Variants in SLC25A43 observed in about 807,000 individuals in gnomAD.
SLC25A43 encodes solute carrier family 25, member 43.
A neutral mutation model predicts 22.8 loss-of-function variants in SLC25A43; 10 were observed. The observed-to-expected ratio is 0.44, with a 90% CI of 0.27 to 0.74. The LOEUF (loss-of-function observed/expected upper bound fraction) is 0.74. Among genes scored for constraint, SLC25A43 ranks in the 30% least tolerant of loss-of-function variants. SLC25A43 has a pLI of 0.17. For missense variants in SLC25A43, 233 were observed against 279.1 expected, an observed-to-expected ratio of 0.83 and a Z score of 1.18; for synonymous variants, 106 against 121.6, an observed-to-expected ratio of 0.87 and a Z score of 0.84.
chrX:119,423,382 A>T (rs2052472318), intron 3 of SLC25A43: 1 of 110,434 alleles, frequency 9.1e-6, no homozygotes, highest in South Asian at 3.9e-4. Flanking sequence ...ATACAAAATT[A>T]TCCTGGCATG....
chrX:119,430,225 C>T (rs2052541100), intron 3 of SLC25A43, among the ~76,000 whole-genome samples: 1 of 112,327 alleles, frequency 8.9e-6, no homozygotes, highest in Admixed American at 9.5e-5. Context: ...TTGGTTTGTT[C>T]TTCAGCATAC....
intron 3 of SLC25A43, among the ~76,000 whole-genome samples, chrX:119,418,594 TC>T (rs1449694312): frequency 8.9e-6 from 1 of 112,669 alleles, no homozygotes; most frequent in Non-Finnish European, 1.9e-5. Flanking sequence ...ATGACAGTAA[TC>T]AGAAGTCTTG....
rs751582587 is a variant in SLC25A43 at position 119,452,877 on chromosome X, T to C, written c.838T>C (p.Phe280Leu). 4 of 1,207,431 alleles carry C rather than the reference T, an allele frequency of 3.3e-6. No homozygotes were observed. The Admixed American group carries it at 8.8e-5, about 27-fold the overall frequency. ...TANLLKIVPY[F>L]GIMFSTFEFC... ...TTGGTTTTAACAGATAGTTCCATATTTTGGAATTATGTTTAGCACCTTTGA... is the reference window on the plus strand; with the variant it reads ...TTGGTTTTAACAGATAGTTCCATATCTTGGAATTATGTTTAGCACCTTTGA... The change falls in exon 5 of 5, where the codon TTT becomes CTT. Residue 280 changes from phenylalanine to leucine, a missense_variant. Phe to Leu is a conservative substitution (Grantham distance 22). Coordinates refer to ENST00000217909, the MANE Select transcript of SLC25A43 (RefSeq NM_145305.3).
intron 3 of SLC25A43, among the ~76,000 whole-genome samples, chrX:119,428,821 TAGC>T (rs1314651181): frequency 1.8e-5 from 2 of 111,548 alleles, no homozygotes; most frequent in Non-Finnish European, 3.8e-5. Flanking sequence ...TAGATTCTCA[TAGC>T]AGTGCAAACC....
chrX:119,434,379 A>G (rs1352580993), intron 3 of SLC25A43: 1 of 108,704 alleles, frequency 9.2e-6, no homozygotes, highest in African/African-American at 3.4e-5. Flanking sequence ...CCTGTGGCTC[A>G]GAGGAGAGAT....
At chrX:119,406,398 G>A (rs2052296618) in intron 1 of SLC25A43, 62 bp from the exon 2 acceptor site, 1 of 1,162,706 alleles carries the variant, frequency 8.6e-7, no homozygotes, top group Admixed American at 2.3e-5. Flanking sequence ...AAGAACTAGT[G>A]GAGAGAACTC....
At chrX:119,415,482 G>A (rs1465476285) in intron 3 of SLC25A43, among the ~76,000 whole-genome samples, 2 of 109,624 alleles carry the variant, frequency 1.8e-5, no homozygotes, top group Non-Finnish European at 3.8e-5. Flanking sequence ...ATCACCTGAG[G>A]TCAGGAGTTC....
chrX:119,447,650 A>T lies in SLC25A43; in HGVS notation c.691-4359A>T, dbSNP rs188387610. 4.3e-4 allele frequency among the ~76,000 whole-genome samples: 48 copies of T among 111,094 alleles called. 1 individual carries two copies. Among genetic ancestry groups the T allele is most frequent in the Admixed American group, 4.1e-3 (43 of 10,379 alleles). ...GATAACCAGTGACCTCCATGTGTTT[A>T]GATCCAATGGTCACTTCTCAGTCTT... On this transcript the variant is annotated intron_variant, in intron 3 of 4. Coordinates refer to ENST00000217909, the MANE Select transcript of SLC25A43 (RefSeq NM_145305.3).
chrX:119,435,561 T>C (rs1376597415), intron 3 of SLC25A43, among the ~76,000 whole-genome samples: 1 of 58,675 alleles, frequency 1.7e-5, no homozygotes, highest in Non-Finnish European at 3.1e-5. Context: ...GCTGGTGCGC[T>C]GCACCCACTA....
At chrX:119,402,003 C>G (rs995299207) in intron 1 of SLC25A43, among the ~76,000 whole-genome samples, 1 of 111,429 alleles carries the variant, frequency 9.0e-6, no homozygotes, top group Non-Finnish European at 1.9e-5. Context: ...TTTCTGAAAA[C>G]TAAAAGGAAG....
chrX:119,420,127 C>T (rs963159348), intron 3 of SLC25A43, among the ~76,000 whole-genome samples: 42 of 110,933 alleles, frequency 3.8e-4, no homozygotes, highest in Non-Finnish European at 7.4e-4. Flanking sequence ...ACTGAGGCAC[C>T]GAAAGGTTTT....
intron 3 of SLC25A43, among the ~76,000 whole-genome samples, chrX:119,414,205 G>A (rs998321302): frequency 6.2e-5 from 7 of 112,150 alleles, no homozygotes; most frequent in Non-Finnish European, 1.3e-4. Flanking sequence ...CTGGCCCTTT[G>A]TATTTCTTTG....
At chrX:119,443,448 C>CTTTT (rs370848437) in intron 3 of SLC25A43, among the ~76,000 whole-genome samples, 4 of 72,584 alleles carry the variant, frequency 5.5e-5, no homozygotes, top group Non-Finnish European at 7.4e-5. Flanking sequence ...CTCTCTCTCT[C>CTTTT]TTTTTTTTTT....
intron 3 of SLC25A43, among the ~76,000 whole-genome samples, chrX:119,419,652 A>G (rs2052436491): frequency 9.0e-6 from 1 of 111,518 alleles, no homozygotes; most frequent in South Asian, 3.8e-4. Flanking sequence ...CCTGCTCGAC[A>G]TCACTATTTG....
intron 2 of SLC25A43, among the ~76,000 whole-genome samples, chrX:119,408,303 A>G (rs1014561959): frequency 1.9e-4 from 21 of 111,492 alleles, no homozygotes; most frequent in African/African-American, 6.5e-4. Context: ...CACTCTGTCA[A>G]AGTCTGATGA....
rs1334077938 is a variant in SLC25A43 at position 119,399,371 on chromosome X, C to G, written c.-33C>G. Reference sequence around the variant, plus strand: ...GTGGCCGGAGAGCCCCAGGCCCGAGCCACGCGGTCTTCCGGGCCCGGGTCG... The same window carrying G: ...GTGGCCGGAGAGCCCCAGGCCCGAGGCACGCGGTCTTCCGGGCCCGGGTCG... On this transcript the variant is annotated 5_prime_UTR_variant, in exon 1 of 5. Coordinates refer to ENST00000217909, the MANE Select transcript of SLC25A43 (RefSeq NM_145305.3). The G allele has an allele frequency of 1.0e-6, 1 of 955,586 alleles. No individual in the cohort carries two copies. The highest frequency in any genetic ancestry group is 1.3e-6 in the Non-Finnish European group (1 of 762,772). The allele number at this position is 955,586 out of a possible 1,213,427, so 78.8% of individuals were successfully genotyped here.
chrX:119,403,937 G>A (rs1319096707), intron 1 of SLC25A43, among the ~76,000 whole-genome samples: 5 of 109,624 alleles, frequency 4.6e-5, no homozygotes, highest in Non-Finnish European at 7.6e-5. Flanking sequence ...CACAGGTTAA[G>A]GGCTTGGTCC....
At chrX:119,430,515 C>T (rs2052543213) in intron 3 of SLC25A43, among the ~76,000 whole-genome samples, 1 of 111,858 alleles carries the variant, frequency 8.9e-6, no homozygotes, top group Non-Finnish European at 1.9e-5. Context: ...TGCTTTGTCT[C>T]CCAGGCACTC....
intron 3 of SLC25A43, among the ~76,000 whole-genome samples, chrX:119,451,622 G>A (rs774608502): frequency 8.1e-5 from 9 of 111,747 alleles, no homozygotes; most frequent in African/African-American, 2.9e-4. Flanking sequence ...AACAGCCTCC[G>A]CTTGGGAGCT....
Sources: allele counts gnomAD v4.1 joint callset (sites outside exome capture counted in the v4.1 genomes callset), GRCh38; gene constraint gnomAD v4.1.1; transcripts MANE v1.5; gene names NCBI Gene and HGNC (gene_info 2026-07-23, HGNC 2026-07-21).